The following RASSF6 variants were observed in gnomAD, a reference collection of about 807,000 sequenced individuals.
The protein encoded by RASSF6 is ras association domain-containing protein 6.
RASSF6 carries 52 observed loss-of-function variants against 44.0 expected under a neutral mutation model. That is an observed-to-expected ratio of 1.18 (90% CI 0.95 to 1.49). The LOEUF (loss-of-function observed/expected upper bound fraction) is 1.49. Ranked by LOEUF, RASSF6 falls within the 40% of genes most tolerant of loss-of-function variation. The pLI is 0.00. For missense variants in RASSF6, 464 were observed against 393.3 expected (o/e 1.18, Z -1.52); for synonymous variants, 162 against 124.6 (o/e 1.30, Z -2.00).
At chr4:73,607,085 A>G (rs535629999) in intron 2 of RASSF6, among the ~76,000 whole-genome samples, 1 of 152,346 alleles carries the variant, frequency 6.6e-6, no homozygotes, top group East Asian at 1.9e-4. Context: ...ATTCAACAAA[A>G]AAATAATAAG....
At chr4:73,591,236 C>G (rs1560448104) in intron 4 of RASSF6, among the ~76,000 whole-genome samples, 1 of 152,032 alleles carries the variant, frequency 6.6e-6, no homozygotes, top group Admixed American at 6.5e-5. Flanking sequence ...TGCATAAAAA[C>G]ATGTATCCCA....
chr4:73,582,731 G>A (rs753766013), intron 6 of RASSF6, among the ~76,000 whole-genome samples: 1 of 152,022 alleles, frequency 6.6e-6, no homozygotes, highest in Non-Finnish European at 1.5e-5. Flanking sequence ...AGATGGGTGG[G>A]TTTTGGGGTG....
At chr4:73,599,233 G>A (rs1578048235) in intron 2 of RASSF6, among the ~76,000 whole-genome samples, 1 of 152,190 alleles carries the variant, frequency 6.6e-6, no homozygotes, top group East Asian at 1.9e-4. Flanking sequence ...ACTTGCCGGG[G>A]CTGTTTAGAC....
At chr4:73,585,990 C>A (rs1227304247) in intron 5 of RASSF6, among the ~76,000 whole-genome samples, 1 of 94,514 alleles carries the variant, frequency 1.1e-5, no homozygotes, top group African/African-American at 4.2e-5. Context: ...CCCCTCCCCC[C>A]ACCCCATTAT....
At chr4:73,599,212 T>C (rs72649144) in intron 2 of RASSF6, among the ~76,000 whole-genome samples, 20 of 152,278 alleles carry the variant, frequency 1.3e-4, no homozygotes, top group Non-Finnish European at 2.2e-4. Context: ...GAAATGAAGG[T>C]GATCTGTCCT....
At chr4:73,583,539 C>T (rs1723836846) in intron 6 of RASSF6, among the ~76,000 whole-genome samples, 2 of 152,072 alleles carry the variant, frequency 1.3e-5, no homozygotes, top group South Asian at 4.1e-4. Flanking sequence ...AGTATAAAAA[C>T]ATATCTTACG....
In RASSF6 at chr4:73,620,322, C is replaced by T. The variant is rs1167535795; in HGVS notation, c.-69G>A. On this transcript the variant is annotated 5_prime_UTR_variant, in exon 1 of 11. Coordinates refer to ENST00000307439, the MANE Select transcript of RASSF6 (RefSeq NM_177532.5). ...ACACTGTGAGCAGGAGGACCCTTTTCACCATCGTTGTTCGGCTGAACTTGC... is the reference window on the plus strand; with the variant it reads ...ACACTGTGAGCAGGAGGACCCTTTTTACCATCGTTGTTCGGCTGAACTTGC... The T allele has an allele frequency of 1.4e-6, 2 of 1,474,688 alleles. No individual in the cohort carries two copies. Among genetic ancestry groups the T allele is most frequent in the African/African-American group, 2.9e-5 (2 of 68,564 alleles). 91.4% of individuals were successfully genotyped at this position (1,474,688 alleles called of 1,614,324 possible). A position where few individuals can be genotyped will look rare whatever the true frequency, so the allele number is the denominator to read the frequency against.
chr4:73,583,345 T>A (rs143145396), intron 6 of RASSF6, among the ~76,000 whole-genome samples: 14 of 152,268 alleles, frequency 9.2e-5, no homozygotes, highest in African/African-American at 3.4e-4. Flanking sequence ...ATCTATAGTC[T>A]TTATATCAGT....
chr4:73,599,655 A>G (rs918598316), intron 2 of RASSF6, among the ~76,000 whole-genome samples: 2 of 152,014 alleles, frequency 1.3e-5, no homozygotes, highest in African/African-American at 4.8e-5. Flanking sequence ...TCCTCTTGAG[A>G]TGATCATCAT....
chr4:73,615,822 A>G, intron 1 of RASSF6: 1 of 1,290,378 alleles, frequency 7.7e-7, no homozygotes, highest in Non-Finnish European at 1.1e-6. Flanking sequence ...GCGTTCCAGC[A>G]ATGCTGGAAC....
In RASSF6 at chr4:73,573,511, A is replaced by G. The variant is rs1424122912; in HGVS notation, c.*2724T>C. 6.6e-6 allele frequency: 1 copy of G among 152,178 alleles called. No homozygotes were observed. Among genetic ancestry groups the G allele is most frequent in the African/African-American group, 2.4e-5 (1 of 41,436 alleles). 9.4% of individuals were successfully genotyped at this position (152,178 alleles called of 1,614,324 possible). ...TTTGTCACAATAAATAACAATATAA[A>G]ACATATCTTTGCAGAATGTCTTTGT... is the stretch of plus-strand genomic sequence containing the variant. On this transcript the variant is annotated 3_prime_UTR_variant, in exon 11 of 11. Transcript: ENST00000307439.
intron 2 of RASSF6, among the ~76,000 whole-genome samples, chr4:73,602,168 C>T (rs924026846): frequency 2.0e-5 from 3 of 152,278 alleles, no homozygotes; most frequent in Non-Finnish European, 4.4e-5. Context: ...AATGAATGAG[C>T]CCCGTGAACC....
chr4:73,602,349 T>C (rs915147913), intron 2 of RASSF6, among the ~76,000 whole-genome samples: 3 of 152,094 alleles, frequency 2.0e-5, no homozygotes, highest in Non-Finnish European at 2.9e-5. Flanking sequence ...AACACTAGTG[T>C]GGTAGAGGTG....
intron 8 of RASSF6, among the ~76,000 whole-genome samples, chr4:73,578,639 T>TC (rs1046811711): frequency 2.6e-4 from 7 of 26,508 alleles, no homozygotes; most frequent in African/African-American, 5.0e-4. Flanking sequence ...ATTTTTTCTC[T>TC]TTTTTTTTTT....
chr4:73,580,261 C>A (rs1447137625), intron 8 of RASSF6, among the ~76,000 whole-genome samples: 1 of 151,524 alleles, frequency 6.6e-6, no homozygotes, highest in Non-Finnish European at 1.5e-5. Flanking sequence ...TTTTCTTAAT[C>A]CAGTCTATCA....
intron 1 of RASSF6, among the ~76,000 whole-genome samples, chr4:73,616,654 T>A (rs1469612011): frequency 6.6e-6 from 1 of 152,122 alleles, no homozygotes; most frequent in Non-Finnish European, 1.5e-5. Context: ...ATGTTACATC[T>A]CTCTCACCCA....
rs1288692688 is a variant in RASSF6 at position 73,587,691 on chromosome 4, C to T, written c.382+149G>A. ...CTATAGTGACTTAAGTTACTATGCT[C>T]CTAAGATATTTAAAAATATATATAC... On this transcript the variant is annotated intron_variant, in intron 5 of 10. Transcript: ENST00000307439. The T allele has an allele frequency of 8.1e-5, 32 of 396,524 alleles. No homozygotes were observed. In the East Asian group the frequency reaches 1.2e-3, roughly 14 times the overall value. The allele number at this position is 396,524 out of a possible 1,614,324, so 24.6% of individuals were successfully genotyped here.
chr4:73,581,488 G>C (rs1282653781), intron 8 of RASSF6, among the ~76,000 whole-genome samples: 2 of 152,128 alleles, frequency 1.3e-5, no homozygotes, highest in African/African-American at 4.8e-5. Context: ...ACTCAGAAAG[G>C]AAAGCCAAAA....
chr4:73,612,479 C>CTTTTCTTTTTT (rs1553905959), intron 1 of RASSF6, among the ~76,000 whole-genome samples: 1 of 68,290 alleles, frequency 1.5e-5, no homozygotes, highest in African/African-American at 5.5e-5. Flanking sequence ...GTTCAGTTTT[C>CTTTTCTTTTTT]TTTTTTTTTT....
Sources: allele counts gnomAD v4.1 joint callset (sites outside exome capture counted in the v4.1 genomes callset), GRCh38; gene constraint gnomAD v4.1.1; transcripts MANE v1.5; gene names NCBI Gene and HGNC (gene_info 2026-07-23, HGNC 2026-07-21).